Variants in SEC24D observed in about 807,000 individuals in gnomAD.
The protein encoded by SEC24D is SEC24 homolog D, COPII component, also known as protein transport protein Sec24D.
SEC24D carries 69 observed loss-of-function variants against 116.9 expected under a neutral mutation model. That is an observed-to-expected ratio of 0.59 (90% CI 0.49 to 0.72). The LOEUF (loss-of-function observed/expected upper bound fraction) is 0.72, where lower values mean the gene tolerates loss of function less well. Among genes scored for constraint, SEC24D ranks in the 30% least tolerant of loss-of-function variants. The pLI is 0.00. For synonymous variants in SEC24D, 405 were observed against 442.8 expected, an observed-to-expected ratio of 0.91 and a Z score of 1.07; for missense variants, 1,131 against 1,264.1, an observed-to-expected ratio of 0.89 and a Z score of 1.60.
At chr4:118,796,338 G>T (rs1032466799) in intron 8 of SEC24D, among the ~76,000 whole-genome samples, 1 of 152,168 alleles carries the variant, frequency 6.6e-6, no homozygotes, top group African/African-American at 2.4e-5. Flanking sequence ...TTAATGAGGT[G>T]TTTATAAATA....
intron 8 of SEC24D, among the ~76,000 whole-genome samples, chr4:118,780,347 T>C (rs1248078018): frequency 3.3e-5 from 5 of 152,224 alleles, no homozygotes; most frequent in Admixed American, 3.3e-4. Context: ...TCTGCCTTCA[T>C]TTCGTTATGT....
chr4:118,822,768 C>G (rs958274827), intron 3 of SEC24D, among the ~76,000 whole-genome samples: 1 of 151,868 alleles, frequency 6.6e-6, no homozygotes, highest in Admixed American at 6.6e-5. Flanking sequence ...GAGATGGGGT[C>G]TCATCATGTT....
intron 3 of SEC24D, among the ~76,000 whole-genome samples, chr4:118,824,031 T>C (rs1388921714): frequency 1.3e-5 from 2 of 152,230 alleles, no homozygotes; most frequent in Non-Finnish European, 2.9e-5. Flanking sequence ...GAATTAAAAT[T>C]GATATAAAAT....
At chr4:118,751,731 C>T (rs894663036) in intron 13 of SEC24D, among the ~76,000 whole-genome samples, 2 of 152,074 alleles carry the variant, frequency 1.3e-5, no homozygotes, top group Non-Finnish European at 2.9e-5. Context: ...ATATAAAGTT[C>T]ATATAAAAGC....
intron 3 of SEC24D, among the ~76,000 whole-genome samples, chr4:118,822,793 G>A (rs532775299): frequency 4.9e-4 from 75 of 151,934 alleles, no homozygotes; most frequent in Non-Finnish European, 8.8e-4. Context: ...AGGCTGTCTC[G>A]AACTCCTGGG....
At chr4:118,724,827 C>A (rs1049707140) in intron 22 of SEC24D, among the ~76,000 whole-genome samples, 6 of 152,176 alleles carry the variant, frequency 3.9e-5, no homozygotes, top group Admixed American at 2.0e-4. Flanking sequence ...CACAACAATG[C>A]CTCTCCACCT....
intron 3 of SEC24D, among the ~76,000 whole-genome samples, chr4:118,824,057 A>T (rs570408160): frequency 6.6e-6 from 1 of 152,372 alleles, no homozygotes; most frequent in South Asian, 2.1e-4. Flanking sequence ...AATAAACTGA[A>T]TATAACTCAA....
intron 2 of SEC24D, among the ~76,000 whole-genome samples, chr4:118,829,600 G>T (rs1408463583): frequency 6.6e-6 from 1 of 152,118 alleles, no homozygotes; most frequent in Non-Finnish European, 1.5e-5. Flanking sequence ...ATTACCTGAG[G>T]TCGGGAGTTT....
rs775042743 is a variant in SEC24D at position 118,728,589 on chromosome 4, A to T, written c.2930T>A (p.Ile977Asn). The T allele has an allele frequency of 6.2e-7, 1 of 1,609,128 alleles. No individual in the cohort carries two copies. The highest frequency in any genetic ancestry group is 1.3e-5 in the African/African-American group (1 of 74,928). Residue 977 changes from isoleucine to asparagine, a missense_variant, in exon 22 of 23, where the codon ATC becomes AAC. Coordinates refer to ENST00000280551, the MANE Select transcript of SEC24D (RefSeq NM_014822.4). ...CATTGAATATGGCCTCTTTTGTTGG[A>T]TAATACCCATTATCATTCTGAGTTG... ...SQQLRMIMGI[I>N]QQKRPYSMKL...
chr4:118,785,196 ATGTT>A (rs1379846939), intron 8 of SEC24D, among the ~76,000 whole-genome samples: 2 of 152,210 alleles, frequency 1.3e-5, no homozygotes, highest in African/African-American at 2.4e-5. Context: ...AGCTCAATAA[ATGTT>A]TGAGCACAGG....
At chr4:118,824,306 C>T (rs1270258470) in intron 3 of SEC24D, among the ~76,000 whole-genome samples, 2 of 152,000 alleles carry the variant, frequency 1.3e-5, no homozygotes, top group Non-Finnish European at 2.9e-5. Context: ...ACCACCAGGC[C>T]GGCTAATTTT....
intron 6 of SEC24D, among the ~76,000 whole-genome samples, chr4:118,811,556 C>T (rs1349312963): frequency 6.6e-6 from 1 of 152,194 alleles, no homozygotes; most frequent in Non-Finnish European, 1.5e-5. Context: ...TTAATCTAAT[C>T]AGCGGACAGC....
chr4:118,823,324 G>C (rs893997540), intron 3 of SEC24D, among the ~76,000 whole-genome samples: 1 of 152,196 alleles, frequency 6.6e-6, no homozygotes, highest in Non-Finnish European at 1.5e-5. Flanking sequence ...GAGCCAGCCA[G>C]TGCCAAGCTC....
rs1729783045 is a variant in SEC24D, at chr4:118,808,892, C to T, written c.802-2938G>A. Among the ~76,000 whole-genome samples the T allele has an allele frequency of 3.3e-5, 5 of 151,888 alleles. No homozygotes were observed. The South Asian group carries it at 6.2e-4, about 19-fold the overall frequency. ...CAAGGATAAGGGAAAAACAAGAAGA[C>T]GTGTGTGCCATGCAAGAAAGGCTGC... On this transcript the variant is annotated intron_variant, in intron 6 of 22. Transcript: ENST00000280551.
At chr4:118,732,981 T>C (rs1482121672) in intron 19 of SEC24D, 69 bp from the exon 20 acceptor site, 11 of 1,319,892 alleles carry the variant, frequency 8.3e-6, no homozygotes, top group Non-Finnish European at 1.1e-5. Context: ...GCTTCATCTG[T>C]AAGACTGAAA....
At chr4:118,743,881 T>C in intron 15 of SEC24D, 107 bp downstream of exon 15, 1 of 980,642 alleles carries the variant, frequency 1.0e-6, no homozygotes, top group South Asian at 2.0e-5. Flanking sequence ...CTTGAATTTA[T>C]ATGTGTCATC....
chr4:118,824,478 A>G lies in SEC24D; in HGVS notation c.248+142T>C. The stretch of plus-strand genomic sequence containing the variant: ...TTCTTATTGCTTTGTTTCCTAGGGC[A>G]GTTATCTAACAGATCCTTTCAGGGG... On this transcript the variant is annotated intron_variant, in intron 3 of 22. Transcript: ENST00000280551. The G allele has an allele frequency of 4.8e-6, 4 of 828,382 alleles. No individual in the cohort carries two copies. In the South Asian group the frequency reaches 6.9e-5, roughly 14 times the overall value. 51.3% of individuals were successfully genotyped at this position (828,382 alleles called of 1,614,324 possible).
rs1725761381 is a variant in SEC24D at position 118,732,849 on chromosome 4, C to G, written c.2560G>C (p.Val854Leu). ...VYMNCLLKNC[V>L]LLSRPEISTD... The stretch of plus-strand genomic sequence containing the variant: ...GAGATCTCTGGTCTGCTGAGTAGTA[C>G]ACAGTTTTTCAACAAGCAATTCATG... Residue 854 changes from valine to leucine, a missense_variant, in exon 20 of 23, where the codon GTA becomes CTA. Physicochemically the swap from Val to Leu is conservative, Grantham distance 32 (BLOSUM62 1). Coordinates refer to ENST00000280551, the MANE Select transcript of SEC24D (RefSeq NM_014822.4). 1 of 1,614,060 alleles carries G rather than the reference C, an allele frequency of 6.2e-7. No individual in the cohort carries two copies. The highest frequency in any genetic ancestry group is 8.5e-7 in the Non-Finnish European group (1 of 1,179,944).
At chr4:118,802,779 G>C (rs1729501830) in intron 7 of SEC24D, among the ~76,000 whole-genome samples, 1 of 152,190 alleles carries the variant, frequency 6.6e-6, no homozygotes. Flanking sequence ...GGCTCGCATA[G>C]ATACTTGTAC....
Sources: allele counts gnomAD v4.1 joint callset (sites outside exome capture counted in the v4.1 genomes callset), GRCh38; gene constraint gnomAD v4.1.1; transcripts MANE v1.5; gene names NCBI Gene and HGNC (gene_info 2026-07-23, HGNC 2026-07-21).